PVT1: variants seen among roughly 807,000 people sequenced by gnomAD.
PVT1 encodes the protein CXCR4/PVT1 fusion.
intron 2 of PVT1, among the ~76,000 whole-genome samples, chr8:127,830,037 A>T (rs1814833132): frequency 6.6e-6 from 1 of 152,202 alleles, no homozygotes; most frequent in African/African-American, 2.4e-5. Flanking sequence ...AATGCCAGTC[A>T]TTAGATCCAG....
intron 2 of PVT1, among the ~76,000 whole-genome samples, chr8:127,846,412 A>T (rs775475728): frequency 3.2e-4 from 49 of 152,230 alleles, no homozygotes; most frequent in Non-Finnish European, 4.4e-4. Context: ...GGTTAATCAC[A>T]TTTCCTAAGT....
chr8:127,912,905 C>T (rs1307948345), intron 3 of PVT1, among the ~76,000 whole-genome samples: 2 of 152,242 alleles, frequency 1.3e-5, no homozygotes, highest in Admixed American at 1.3e-4. Context: ...ACCATGTTGG[C>T]CAGGCTGGTC....
chr8:127,915,489 G>A (rs1815972515), intron 3 of PVT1, among the ~76,000 whole-genome samples: 1 of 151,776 alleles, frequency 6.6e-6, no homozygotes, highest in Non-Finnish European at 1.5e-5. Flanking sequence ...GCACGTGCCT[G>A]TAATCCCAGC....
At chr8:127,814,884 A>C (rs930266019) in intron 2 of PVT1, among the ~76,000 whole-genome samples, 4 of 152,160 alleles carry the variant, frequency 2.6e-5, no homozygotes, top group African/African-American at 9.7e-5. Flanking sequence ...TATGAATCTA[A>C]CTACCCTAAG....
intron 6 of PVT1, among the ~76,000 whole-genome samples, chr8:128,098,657 G>C (rs142336412): frequency 2.6e-5 from 4 of 152,306 alleles, no homozygotes; most frequent in Non-Finnish European, 4.4e-5. Context: ...TCTTATATTA[G>C]AGATAATATG....
At chr8:128,090,725 C>T (rs1341150342) in intron 5 of PVT1, among the ~76,000 whole-genome samples, 1 of 152,130 alleles carries the variant, frequency 6.6e-6, no homozygotes, top group Admixed American at 6.5e-5. Flanking sequence ...TGCTCATTAC[C>T]ACCCTAGGAC....
chr8:128,065,860 T>TCA (rs1258518103), intron 4 of PVT1, among the ~76,000 whole-genome samples: 16 of 152,240 alleles, frequency 1.1e-4, no homozygotes, highest in African/African-American at 3.9e-4. Flanking sequence ...GTGGAACCTT[T>TCA]CGTTCATTCA....
intron 4 of PVT1, among the ~76,000 whole-genome samples, chr8:127,995,754 A>G (rs1817097054): frequency 6.6e-6 from 1 of 152,182 alleles, no homozygotes; most frequent in African/African-American, 2.4e-5. Flanking sequence ...CAAGCACTTT[A>G]CATTATATGA....
chr8:128,074,119 T>C (rs1394502844), intron 5 of PVT1, among the ~76,000 whole-genome samples: 1 of 152,176 alleles, frequency 6.6e-6, no homozygotes, highest in African/African-American at 2.4e-5. Context: ...GTAACATTGA[T>C]GCAGAGAAAA....
intron 2 of PVT1, among the ~76,000 whole-genome samples, chr8:127,859,151 G>C (rs1037540645): frequency 1.3e-5 from 2 of 152,026 alleles, no homozygotes; most frequent in Admixed American, 6.6e-5. Flanking sequence ...GATAAATTGA[G>C]TATTTTCTTC....
intron 2 of PVT1, among the ~76,000 whole-genome samples, chr8:127,825,117 TAAAAAAAAAAAAAA>T (rs58377389): frequency 3.7e-5 from 3 of 81,056 alleles, no homozygotes; most frequent in African/African-American, 1.5e-4. Context: ...AAACACTAGC[TAAAAAAAAAAAAAA>T]AAAAAAAAAG....
chr8:128,024,933 C>G (rs1817476305), intron 4 of PVT1, among the ~76,000 whole-genome samples: 1 of 152,216 alleles, frequency 6.6e-6, no homozygotes, highest in South Asian at 2.1e-4. Context: ...AACTCCTGGC[C>G]TCAAGTGATC....
intron 2 of PVT1, among the ~76,000 whole-genome samples, chr8:127,830,623 A>T (rs994550524): frequency 6.6e-6 from 1 of 152,090 alleles, no homozygotes; most frequent in African/African-American, 2.4e-5. Flanking sequence ...GTTCATGCCT[A>T]CTATAGTCCT....
chr8:128,030,849 G>C (rs1813379531), intron 4 of PVT1, among the ~76,000 whole-genome samples: 1 of 152,156 alleles, frequency 6.6e-6, no homozygotes, highest in African/African-American at 2.4e-5. Flanking sequence ...TCAAGTCCAG[G>C]ACCATGTCAG....
At chr8:127,990,941 A>G (rs1169105502) in intron 4 of PVT1, among the ~76,000 whole-genome samples, 1 of 146,584 alleles carries the variant, frequency 6.8e-6, no homozygotes, top group African/African-American at 2.4e-5. Flanking sequence ...GCTTGTGAAT[A>G]AAGCATACTG....
At chr8:127,965,889 G>C (rs929163378) in intron 3 of PVT1, among the ~76,000 whole-genome samples, 2 of 152,186 alleles carry the variant, frequency 1.3e-5, no homozygotes, top group African/African-American at 2.4e-5. Context: ...CTTTAGGTGA[G>C]GGGGAGAGGC....
chr8:127,810,594 GAA>G (rs1814582474), intron 2 of PVT1, among the ~76,000 whole-genome samples: 1 of 152,222 alleles, frequency 6.6e-6, no homozygotes, highest in South Asian at 2.1e-4. Flanking sequence ...CCTGGGGTTA[GAA>G]ATAGTGATCA....
chr8:127,797,187 C>T (rs1464963910), intron 2 of PVT1, among the ~76,000 whole-genome samples: 1 of 152,122 alleles, frequency 6.6e-6, no homozygotes, highest in African/African-American at 2.4e-5. Context: ...CATGGACCAC[C>T]ATGCCTGGCT....
intron 3 of PVT1, among the ~76,000 whole-genome samples, chr8:127,986,110 C>G (rs940332584): frequency 6.6e-6 from 1 of 152,204 alleles, no homozygotes; most frequent in African/African-American, 2.4e-5. Context: ...TTCAGGTTAC[C>G]TAGCCCTTGT....
Sources: allele counts gnomAD v4.1 joint callset (sites outside exome capture counted in the v4.1 genomes callset), GRCh38; gene constraint gnomAD v4.1.1; transcripts MANE v1.5; gene names NCBI Gene and HGNC (gene_info 2026-07-23, HGNC 2026-07-21).